The following SLC30A3 variants were observed in gnomAD, a reference collection of about 807,000 sequenced individuals.
SLC30A3 encodes probable proton-coupled zinc antiporter SLC30A3.
In SLC30A3, 20 loss-of-function variants were observed where a neutral mutation model predicts 35.6. That is an observed-to-expected ratio of 0.56 (90% CI 0.39 to 0.82). SLC30A3 has a LOEUF of 0.82. Ranked by LOEUF, SLC30A3 falls within the 40% of genes least tolerant of loss-of-function variation. The pLI is 0.00. For missense variants in SLC30A3, 401 were observed against 530.6 expected (o/e 0.76, Z 2.40); for synonymous variants, 217 against 224.7 (o/e 0.97, Z 0.31).
rs922051474 is a variant in SLC30A3 at position 27,262,389 on chromosome 2, A to T, written c.95+423T>A. 2.6e-5 allele frequency among the ~76,000 whole-genome samples: 4 copies of T among 151,486 alleles called. No individual in the cohort carries two copies. Among genetic ancestry groups the T allele is most frequent in the East Asian group, 2.0e-4 (1 of 5,108 alleles). Reference sequence around the variant, plus strand: ...CGGCTGGAGGGGGCGCGCGGAGGGGAGCCCCCGGGGCCTACAGAGGGAGCT... The same window carrying T: ...CGGCTGGAGGGGGCGCGCGGAGGGGTGCCCCCGGGGCCTACAGAGGGAGCT... On this transcript the variant is annotated intron_variant, in intron 1 of 7. Coordinates refer to ENST00000233535, the MANE Select transcript of SLC30A3 (RefSeq NM_003459.5). The surrounding 1 kb of genome is among the most constrained non-coding windows in gnomAD (Gnocchi z 7.5).
At position 27,255,722 on chromosome 2, in the gene SLC30A3, A is replaced by C; in HGVS notation, c.1019-262T>G. On this transcript the variant is annotated intron_variant, in intron 7 of 7. Coordinates refer to ENST00000233535, the MANE Select transcript of SLC30A3 (RefSeq NM_003459.5). This position sits in a 1 kb window ranked among gnomAD's most constrained non-coding sequence, Gnocchi z 5.2. ...ATTAAGTGTCAACATACAGCTCAAC[A>C]TTTCAGCAGCCATACCACCCGATTT... 1 of 461,306 alleles carries C rather than the reference A, an allele frequency of 2.2e-6. No homozygotes were observed. The highest frequency in any genetic ancestry group is 3.9e-6 in the Non-Finnish European group (1 of 257,718). The allele number at this position is 461,306 out of a possible 1,614,324, so 28.6% of individuals were successfully genotyped here. A position where few individuals can be genotyped will look rare whatever the true frequency, so the allele number is the denominator to read the frequency against.
intron 1 of SLC30A3, among the ~76,000 whole-genome samples, chr2:27,268,546 G>A (rs557508027): frequency 1.6e-3 from 246 of 152,284 alleles, no homozygotes; most frequent in South Asian, 5.2e-3. Flanking sequence ...AAGGTCAGGA[G>A]ATCGAGACCA....
At chr2:27,263,085 C>CTGGAG, upstream of SLC30A3, 3 of 1,348,870 alleles carry the variant, frequency 2.2e-6, no homozygotes. Flanking sequence ...CCCGCTGCCG[C>CTGGAG]CGGAGCCCCG....
In SLC30A3 at chr2:27,257,934, G is replaced by A. The variant is rs762677606; in HGVS notation, c.549C>T (p.Thr183=). 34 of 1,613,998 alleles carry A rather than the reference G, an allele frequency of 2.1e-5. No homozygotes were observed. The highest frequency in any genetic ancestry group is 5.3e-5 in the African/African-American group (4 of 74,934). ...YHIEGGAMLL[T]ASIAVCANLL... is the part of the protein sequence containing the mutation. ...GGTTGGCACAGACTGCGATGCTGGC[G>A]GTCAGCAGCATGGCACCCCCCTCGA... Residue 183 remains threonine, a synonymous_variant, in exon 4 of 8, where the codon ACC becomes ACT. Coordinates refer to ENST00000233535, the MANE Select transcript of SLC30A3 (RefSeq NM_003459.5). The surrounding 1 kb of genome is among the most constrained non-coding windows in gnomAD (Gnocchi z 4.7).
Position 27,255,389 on chromosome 2 carries a change from T to C in SLC30A3, c.1090A>G (p.Ser364Gly). ...TACTGCTCGACCTGCAGGGTGCAGC[T>C]GGAGAATCCAAACCGGGAGTAGAGC... ...SRLYSRFGFS[S>G]CTLQVEQYQP... The change falls in exon 8 of 8, where the codon AGC becomes GGC. Residue 364 changes from serine to glycine, a missense_variant. Coordinates refer to ENST00000233535, the MANE Select transcript of SLC30A3 (RefSeq NM_003459.5). This position sits in a 1 kb window ranked among gnomAD's most constrained non-coding sequence, Gnocchi z 5.2. 6.2e-7 allele frequency: 1 copy of C among 1,614,110 alleles called. No individual in the cohort carries two copies. Among genetic ancestry groups the C allele is most frequent in the Middle Eastern group, 1.6e-4 (1 of 6,062 alleles).
intron 1 of SLC30A3, chr2:27,259,139 A>G (rs776958158): frequency 2.1e-6 from 1 of 487,376 alleles, no homozygotes; most frequent in Non-Finnish European, 3.6e-6. Flanking sequence ...CCTTCCATAC[A>G]CAGAGCCATA....
Position 27,262,855 on chromosome 2 carries a change from G to C in SLC30A3, c.52C>G (p.Pro18Ala), listed in dbSNP as rs757040795. Reference protein sequence around the residue: ...GGLETTRLVSPRDRGGAGGSL... With the variant: ...GGLETTRLVSARDRGGAGGSL... ...CCTCCGGCGCCACCGCGGTCCCGGG[G>C]GCTCACCAGGCGAGTGGTCTCCAAG... is the stretch of plus-strand genomic sequence containing the variant. Residue 18 changes from proline (P) to alanine (A), a missense_variant, in exon 1 of 8, where the codon CCC becomes GCC. Pro to Ala is a conservative substitution (Grantham distance 27). Around this residue, in one of 3 missense-constraint regions of SLC30A3, gnomAD observed 103 missense variants for 120.7 expected, o/e 0.85. Coordinates refer to ENST00000233535, the MANE Select transcript of SLC30A3 (RefSeq NM_003459.5). The surrounding 1 kb of genome is among the most constrained non-coding windows in gnomAD (Gnocchi z 7.5). The C allele has an allele frequency of 1.3e-6, 2 of 1,565,384 alleles. No homozygotes were observed. Among genetic ancestry groups the C allele is most frequent in the Non-Finnish European group, 1.7e-6 (2 of 1,161,034 alleles).
Position 27,271,256 on chromosome 2 carries a change from CTGTA to C in SLC30A3, c.-159+3917_-159+3920del, listed in dbSNP as rs762714482. Among the ~76,000 whole-genome samples, 42 of 152,116 alleles carry C rather than the reference CTGTA, an allele frequency of 2.8e-4. No homozygotes were observed. The highest frequency in any genetic ancestry group is 1.0e-3 in the South Asian group (5 of 4,832). On this transcript the variant is annotated intron_variant, in intron 1 of 5. Coordinates refer to the SLC30A3 transcript ENST00000424577. This position sits in a 1 kb window ranked among gnomAD's most constrained non-coding sequence, Gnocchi z 4.3. ...GTATAAATATGCCAATGTCTGCTGT[CTGTA>C]TGTGTGTGTATTCCAGCTATATGAC...
At chr2:27,273,113 G>GT (rs1439817216) in intron 1 of SLC30A3, among the ~76,000 whole-genome samples, 2 of 151,370 alleles carry the variant, frequency 1.3e-5, no homozygotes, top group Non-Finnish European at 2.9e-5. Context: ...GTGTGTGTGT[G>GT]TGTGTGTGTA....
At chr2:27,264,778 C>T (rs1677421648), upstream of SLC30A3, among the ~76,000 whole-genome samples, 1 of 152,246 alleles carries the variant, frequency 6.6e-6, no homozygotes, top group African/African-American at 2.4e-5. The surrounding 1 kb of genome is among the most constrained non-coding windows in gnomAD (Gnocchi z 6.1). Flanking sequence ...CACAGGGAAG[C>T]AAATTGAGGC....
At chr2:27,259,491 C>CAA (rs566907646) in intron 1 of SLC30A3, among the ~76,000 whole-genome samples, 66 of 124,484 alleles carry the variant, frequency 5.3e-4, no homozygotes, top group African/African-American at 1.5e-3. Flanking sequence ...GAGACTGTCT[C>CAA]AAAAAAAAAA....
chr2:27,262,177 G>T lies in SLC30A3; in HGVS notation c.95+635C>A, dbSNP rs1293257530. 1 of 151,990 alleles carries T rather than the reference G, an allele frequency of 6.6e-6. No homozygotes were observed. The highest frequency in any genetic ancestry group is 1.5e-5 in the Non-Finnish European group (1 of 67,990). 9.4% of individuals were successfully genotyped at this position (151,990 alleles called of 1,614,324 possible). A position where few individuals can be genotyped will look rare whatever the true frequency, so the allele number is the denominator to read the frequency against. ...GCCCGCTGTCCCGGCCGCTCCGCGC[G>T]CCTCATTTCACACCTCGCCGCCCCC... is the stretch of plus-strand genomic sequence containing the variant. On this transcript the variant is annotated intron_variant, in intron 1 of 7. Transcript: ENST00000233535. The surrounding 1 kb of genome is among the most constrained non-coding windows in gnomAD (Gnocchi z 7.5).
chr2:27,268,163 T>TCTGTACTGTACAGTA (rs1291524205), intron 1 of SLC30A3, among the ~76,000 whole-genome samples: 1 of 152,182 alleles, frequency 6.6e-6, no homozygotes, highest in Non-Finnish European at 1.5e-5. Context: ...GGGATACTGT[T>TCTGTACTGTACAGTA]CTGTACTGTA....
In SLC30A3 at chr2:27,257,257, A is replaced by C; in HGVS notation, c.674T>G (p.Leu225Arg). ...APLEEGPEEP[L>R]PLGNTSVRAA... is the part of the protein sequence containing the mutation. Reference sequence around the variant, plus strand: ...CCGGACGCTGGTGTTCCCCAGGGGCAGGGGCTCTTCAGGCCCCTCCTCCAG... The same window carrying C: ...CCGGACGCTGGTGTTCCCCAGGGGCCGGGGCTCTTCAGGCCCCTCCTCCAG... Residue 225 changes from leucine (L) to arginine (R), a missense_variant, in exon 5 of 8, where the codon CTG (leucine) becomes CGG (arginine). Around this residue, in one of 3 missense-constraint regions of SLC30A3, gnomAD observed 296 missense variants for 392.6 expected, o/e 0.75. Transcript: ENST00000233535. The surrounding 1 kb of genome is among the most constrained non-coding windows in gnomAD (Gnocchi z 4.7). 3.7e-6 allele frequency: 6 copies of C among 1,614,076 alleles called. No homozygotes were observed. Among genetic ancestry groups the C allele is most frequent in the Non-Finnish European group, 4.2e-6 (5 of 1,179,988 alleles).
Position 27,257,641 on chromosome 2 carries a change from G to T in SLC30A3, c.578+264C>A. On this transcript the variant is annotated intron_variant, in intron 4 of 7. Transcript: ENST00000233535. This position sits in a 1 kb window ranked among gnomAD's most constrained non-coding sequence, Gnocchi z 4.7. ...AGGGGTAATGCTACCTACCTCATGG[G>T]GTGGCTGTGAGGTTTAAATGCAATC... 1.7e-6 allele frequency: 1 copy of T among 597,738 alleles called. No homozygotes were observed. Among genetic ancestry groups the T allele is most frequent in the Non-Finnish European group, 3.0e-6 (1 of 336,772 alleles). 37.0% of individuals were successfully genotyped at this position (597,738 alleles called of 1,614,324 possible).
At position 27,255,889 on chromosome 2, in the gene SLC30A3, T is replaced by A; in HGVS notation, c.1019-429A>T. The A allele has an allele frequency of 4.7e-6, 1 of 212,802 alleles. No individual in the cohort carries two copies. The highest frequency in any genetic ancestry group is 1.3e-4 in the East Asian group (1 of 7,710). The allele number at this position is 212,802 out of a possible 1,614,324, so 13.2% of individuals were successfully genotyped here. Reference sequence around the variant, plus strand: ...GCATCTGGAAGAAACTCAAAAATCCTTTGTCAGCTCATGACTCACCATATA... The same window carrying A: ...GCATCTGGAAGAAACTCAAAAATCCATTGTCAGCTCATGACTCACCATATA... On this transcript the variant is annotated intron_variant, in intron 7 of 7. Coordinates refer to ENST00000233535, the MANE Select transcript of SLC30A3 (RefSeq NM_003459.5). This position sits in a 1 kb window ranked among gnomAD's most constrained non-coding sequence, Gnocchi z 5.2.
In SLC30A3 at chr2:27,255,228, C is replaced by T; in HGVS notation, c.*84G>A. Reference sequence around the variant, plus strand: ...GGAAGGGGTATGGACCTGGCTCGGTCCCGTCTCTGTGATCAGGGCAGCAGA... The same window carrying T: ...GGAAGGGGTATGGACCTGGCTCGGTTCCGTCTCTGTGATCAGGGCAGCAGA... On this transcript the variant is annotated 3_prime_UTR_variant, in exon 8 of 8. Transcript: ENST00000233535. The surrounding 1 kb of genome is among the most constrained non-coding windows in gnomAD (Gnocchi z 5.2). 1.2e-6 allele frequency: 2 copies of T among 1,607,470 alleles called. No individual in the cohort carries two copies. Among genetic ancestry groups the T allele is most frequent in the South Asian group, 2.2e-5 (2 of 90,546 alleles).
Position 27,255,472 on chromosome 2 carries a change from T to A in SLC30A3, c.1019-12A>T. The A allele has an allele frequency of 6.2e-7, 1 of 1,610,364 alleles. No individual in the cohort carries two copies. Among genetic ancestry groups the A allele is most frequent in the South Asian group, 1.1e-5 (1 of 90,362 alleles). On this transcript the variant is annotated splice_polypyrimidine_tract_variant and intron_variant, in intron 7 of 7. Transcript: ENST00000233535. The surrounding 1 kb of genome is among the most constrained non-coding windows in gnomAD (Gnocchi z 5.2). ...GTCAGCGGTGGAGTCTGTGGGAGAG[T>A]GATAAGAGGCGGCATCCATCCCGGG...
chr2:27,260,506 C>T (rs1483167788), intron 1 of SLC30A3, among the ~76,000 whole-genome samples: 2 of 152,186 alleles, frequency 1.3e-5, no homozygotes, highest in Non-Finnish European at 2.9e-5. Flanking sequence ...AGCCCCACCA[C>T]TACCCAACCT....
Sources: allele counts gnomAD v4.1 joint callset (sites outside exome capture counted in the v4.1 genomes callset), GRCh38; gene constraint gnomAD v4.1.1; regional missense constraint gnomAD v4.1.1; non-coding constraint Gnocchi (gnomAD v3.1); transcripts MANE v1.5; gene names NCBI Gene and HGNC (gene_info 2026-07-23, HGNC 2026-07-21).